ERP44: variants seen among roughly 807,000 people sequenced by gnomAD.
ERP44 encodes endoplasmic reticulum protein 44.
A neutral mutation model predicts 53.4 loss-of-function variants in ERP44; 25 were observed. That is an observed-to-expected ratio of 0.47 (90% CI 0.34 to 0.65). The LOEUF (loss-of-function observed/expected upper bound fraction) is 0.65, where lower values mean the gene tolerates loss of function less well. Ranked by LOEUF, ERP44 falls within the 30% of genes least tolerant of loss-of-function variation. The pLI, the probability that ERP44 is intolerant of heterozygous loss-of-function variation, is 0.01. For synonymous variants in ERP44, 145 were observed against 161.2 expected, an observed-to-expected ratio of 0.90 and a Z score of 0.76; for missense variants, 338 against 493.2, an observed-to-expected ratio of 0.69 and a Z score of 2.98.
intron 1 of ERP44, among the ~76,000 whole-genome samples, chr9:100,078,952 C>T (rs2096158): frequency 0.68 from 102,925 of 151,966 alleles, 36,066 homozygotes; most frequent in East Asian, 0.91. Flanking sequence ...TTTATCATTG[C>T]CTTTATTTAA....
At chr9:100,082,386 TAA>T (rs1491250271) in intron 1 of ERP44, among the ~76,000 whole-genome samples, 2 of 73,014 alleles carry the variant, frequency 2.7e-5, no homozygotes, top group African/African-American at 1.9e-4. Context: ...ATATAAAAAA[TAA>T]TATATATATA....
chr9:99,990,067 A>G (rs983178406), intron 10 of ERP44, among the ~76,000 whole-genome samples: 4 of 152,218 alleles, frequency 2.6e-5, no homozygotes, highest in African/African-American at 9.6e-5. Context: ...AGTGATGGGG[A>G]GAATGGAACC....
intron 1 of ERP44, among the ~76,000 whole-genome samples, chr9:100,092,259 A>G (rs1401877802): frequency 2.6e-5 from 4 of 152,256 alleles, no homozygotes; most frequent in African/African-American, 7.2e-5. Flanking sequence ...ATATCAGATA[A>G]GCTGTGACAA....
At chr9:100,076,988 C>T (rs1018076895) in intron 1 of ERP44, among the ~76,000 whole-genome samples, 2 of 152,218 alleles carry the variant, frequency 1.3e-5, no homozygotes. Flanking sequence ...GCTGAGTGCC[C>T]AGTTTGCCAG....
intron 3 of ERP44, 86 bp from the exon 4 acceptor site, chr9:100,052,618 T>C (rs532858574): frequency 7.8e-6 from 5 of 638,906 alleles, no homozygotes; most frequent in African/African-American, 5.6e-5. Flanking sequence ...ACATTTGATA[T>C]AGGCATAATA....
At chr9:100,027,169 T>C (rs562257600) in intron 4 of ERP44, among the ~76,000 whole-genome samples, 148 of 152,326 alleles carry the variant, frequency 9.7e-4, no homozygotes, top group African/African-American at 3.4e-3. Context: ...CTGGAAGTAG[T>C]AGAGAACCAG....
intron 5 of ERP44, 35 bp from the exon 6 acceptor site, chr9:100,020,766 T>C: frequency 1.9e-6 from 2 of 1,056,628 alleles, no homozygotes; most frequent in Non-Finnish European, 2.9e-6. Context: ...TTTGCAAACA[T>C]ACATAGTTTT....
Position 99,982,609 on chromosome 9 carries a change from T to A in ERP44, c.*3A>T. Reference sequence around the variant, plus strand: ...AAAGGCTTACAAACTGTTTTTCAAGTTTTTAAAGCTCATCTCGATCCCTCA... The same window carrying A: ...AAAGGCTTACAAACTGTTTTTCAAGATTTTAAAGCTCATCTCGATCCCTCA... On this transcript the variant is annotated 3_prime_UTR_variant, in exon 12 of 12. Coordinates refer to ENST00000262455, the MANE Select transcript of ERP44 (RefSeq NM_015051.3). 1 of 1,512,630 alleles carries A rather than the reference T, an allele frequency of 6.6e-7. No homozygotes were observed. The highest frequency in any genetic ancestry group is 8.9e-7 in the Non-Finnish European group (1 of 1,127,862). 93.7% of individuals were successfully genotyped at this position (1,512,630 alleles called of 1,614,324 possible). A position where few individuals can be genotyped will look rare whatever the true frequency, so the allele number is the denominator to read the frequency against.
In ERP44 at chr9:100,077,544, C is replaced by T. The variant is rs572405291; in HGVS notation, c.58-17372G>A. Among the ~76,000 whole-genome samples, 11 of 152,318 alleles carry T rather than the reference C, an allele frequency of 7.2e-5. No individual in the cohort carries two copies. In the South Asian group the frequency reaches 2.3e-3, roughly 32 times the overall value. On this transcript the variant is annotated intron_variant, in intron 1 of 11. Coordinates refer to ENST00000262455, the MANE Select transcript of ERP44 (RefSeq NM_015051.3). ...ATCAAGGGGTGGAAGTGGCACCACTCACCATCACCCCTAGTGATCCACTAG... is the reference window on the plus strand; with the variant it reads ...ATCAAGGGGTGGAAGTGGCACCACTTACCATCACCCCTAGTGATCCACTAG...
At chr9:100,047,431 T>A (rs1023346901) in intron 4 of ERP44, among the ~76,000 whole-genome samples, 4 of 152,194 alleles carry the variant, frequency 2.6e-5, no homozygotes, top group Admixed American at 2.6e-4. Context: ...AAAATGATTT[T>A]TGATGAGGAT....
chr9:100,013,433 A>C (rs1044473244), intron 8 of ERP44, among the ~76,000 whole-genome samples: 4 of 151,706 alleles, frequency 2.6e-5, no homozygotes, highest in African/African-American at 4.8e-5. Context: ...GAAAAAAAAA[A>C]AAAAAGAATT....
intron 4 of ERP44, among the ~76,000 whole-genome samples, chr9:100,050,821 A>C (rs1208150638): frequency 6.6e-6 from 1 of 152,236 alleles, no homozygotes; most frequent in Non-Finnish European, 1.5e-5. Flanking sequence ...TATCTGTTTA[A>C]AAGATGGAAT....
At chr9:100,092,069 T>G (rs1392563699) in intron 1 of ERP44, among the ~76,000 whole-genome samples, 1 of 152,234 alleles carries the variant, frequency 6.6e-6, no homozygotes, top group Non-Finnish European at 1.5e-5. Flanking sequence ...AAATAGACTT[T>G]CAAATGATAG....
intron 1 of ERP44, among the ~76,000 whole-genome samples, chr9:100,094,580 C>T (rs1826601733): frequency 6.6e-6 from 1 of 152,000 alleles, no homozygotes; most frequent in Non-Finnish European, 1.5e-5. Context: ...ATCACTTGAA[C>T]CCAGGAGACA....
intron 3 of ERP44, among the ~76,000 whole-genome samples, chr9:100,054,265 A>G (rs900609781): frequency 2.0e-5 from 3 of 152,184 alleles, no homozygotes; most frequent in African/African-American, 7.2e-5. Flanking sequence ...GAGGAACTGG[A>G]GCGGCTAGGA....
chr9:99,996,956 T>C (rs976517987), intron 10 of ERP44, among the ~76,000 whole-genome samples: 1 of 151,292 alleles, frequency 6.6e-6, no homozygotes, highest in South Asian at 2.1e-4. Context: ...CACACACACA[T>C]GTATATGTAC....
chr9:100,054,625 A>G (rs889366378), intron 3 of ERP44, among the ~76,000 whole-genome samples: 2 of 152,226 alleles, frequency 1.3e-5, no homozygotes, highest in Non-Finnish European at 1.5e-5. Context: ...TGCACATTGA[A>G]GCATTTTGGA....
chr9:99,990,918 A>G (rs189660766), intron 10 of ERP44, among the ~76,000 whole-genome samples: 1 of 152,314 alleles, frequency 6.6e-6, no homozygotes, highest in East Asian at 1.9e-4. Flanking sequence ...AGAGACAAAG[A>G]AGGCCATTAC....
intron 10 of ERP44, among the ~76,000 whole-genome samples, chr9:99,989,399 C>G (rs1830230855): frequency 6.6e-6 from 1 of 152,198 alleles, no homozygotes; most frequent in Non-Finnish European, 1.5e-5. Context: ...CCCAGGCAAA[C>G]AGGGTCTGGA....
Sources: gnomAD v4.1 joint callset for allele counts (sites outside exome capture counted in the v4.1 genomes callset) on GRCh38, gnomAD v4.1.1 for gene constraint, MANE v1.5 for transcripts, NCBI Gene and HGNC (gene_info 2026-07-23, HGNC 2026-07-21) for gene names.